TMCC3: variants seen among roughly 807,000 people sequenced by gnomAD.
TMCC3 encodes transmembrane and coiled-coil domain protein 3.
In TMCC3, 28 loss-of-function variants were observed where a neutral mutation model predicts 40.2. The ratio of observed to expected loss-of-function variants is 0.70; its 90% confidence interval spans 0.52 to 0.95. TMCC3 has a LOEUF of 0.95. Among genes scored for constraint, TMCC3 ranks in the 40% least tolerant of loss-of-function variants. TMCC3 has a pLI of 0.00. For missense variants in TMCC3, 554 were observed against 615.2 expected, an observed-to-expected ratio of 0.90 and a Z score of 1.05; for synonymous variants, 255 against 248.5, an observed-to-expected ratio of 1.03 and a Z score of -0.25.
chr12:94,613,661 T>A (rs1594288129), intron 1 of TMCC3, among the ~76,000 whole-genome samples: 2 of 152,106 alleles, frequency 1.3e-5, no homozygotes, highest in Non-Finnish European at 2.9e-5. Flanking sequence ...AGGCTTGTGA[T>A]GTAGGGATGC....
At chr12:94,610,623 T>G (rs1259625848) in intron 1 of TMCC3, among the ~76,000 whole-genome samples, 1 of 152,076 alleles carries the variant, frequency 6.6e-6, no homozygotes, top group Non-Finnish European at 1.5e-5. Flanking sequence ...TAGACATCCA[T>G]CAATAGAGAA....
chr12:94,600,240 G>GATTTTT (rs2068744626), intron 1 of TMCC3, among the ~76,000 whole-genome samples: 1 of 102,070 alleles, frequency 9.8e-6, no homozygotes. Flanking sequence ...CCAAATTCTG[G>GATTTTT]TTTTTTTTTT....
At chr12:94,597,141 AT>A in intron 1 of TMCC3, among the ~76,000 whole-genome samples, 1 of 14,972 alleles carries the variant, frequency 6.7e-5, no homozygotes, top group East Asian at 6.1e-4. Context: ...ATATATATAT[AT>A]ATATATATAT....
intron 1 of TMCC3, among the ~76,000 whole-genome samples, chr12:94,597,439 C>T (rs2068725401): frequency 6.6e-6 from 1 of 152,128 alleles, no homozygotes; most frequent in South Asian, 2.1e-4. Flanking sequence ...AACTCAGGTG[C>T]CTCCTCCTTT....
At chr12:94,641,174 T>C (rs2068988416) in intron 1 of TMCC3, among the ~76,000 whole-genome samples, 1 of 150,274 alleles carries the variant, frequency 6.7e-6, no homozygotes, top group Non-Finnish European at 1.5e-5. Context: ...CACTCCAGCC[T>C]GGGTGACAGA....
rs754488600 is a variant in TMCC3, at chr12:94,571,334, A to G, written c.*101T>C. 4 of 1,249,950 alleles carry G rather than the reference A, an allele frequency of 3.2e-6. No individual in the cohort carries two copies. The highest frequency in any genetic ancestry group is 4.5e-6 in the Non-Finnish European group (4 of 898,438). 77.4% of individuals were successfully genotyped at this position (1,249,950 alleles called of 1,614,324 possible). On this transcript the variant is annotated 3_prime_UTR_variant, in exon 4 of 4. Transcript: ENST00000261226. ...ACCACACAGTCCTAGTTTTTCTTAC[A>G]CACGAGTCCGCACAATCATTCACTG...
At chr12:94,648,014 T>C (rs1050373861) in intron 1 of TMCC3, among the ~76,000 whole-genome samples, 6 of 152,206 alleles carry the variant, frequency 3.9e-5, no homozygotes, top group Non-Finnish European at 7.3e-5. Flanking sequence ...ATCACTGTAG[T>C]AGAATTTGTG....
At chr12:94,592,573 G>A (rs1367323142) in intron 1 of TMCC3, among the ~76,000 whole-genome samples, 1 of 142,518 alleles carries the variant, frequency 7.0e-6, no homozygotes, top group Non-Finnish European at 1.5e-5. Context: ...GGACCCCGGA[G>A]GCAGAGGCTG....
rs371914206 is a variant in TMCC3 at position 94,620,298 on chromosome 12, T to A, written c.78+30055A>T. On this transcript the variant is annotated intron_variant, in intron 1 of 3. Coordinates refer to ENST00000261226, the MANE Select transcript of TMCC3 (RefSeq NM_020698.4). Reference sequence around the variant, plus strand: ...TTTTTTTTTTTTAATAATTATTATTTTTTTTTTGAGACAGAGTCTTGCTCT... The same window carrying A: ...TTTTTTTTTTTTAATAATTATTATTATTTTTTTGAGACAGAGTCTTGCTCT... Among the ~76,000 whole-genome samples, 178 of 151,792 alleles carry A rather than the reference T, an allele frequency of 1.2e-3. 3 individuals carry two copies. The East Asian group carries it at 0.02, about 17-fold the overall frequency.
chr12:94,609,711 C>T (rs1032588093), intron 1 of TMCC3: 2 of 152,120 alleles, frequency 1.3e-5, no homozygotes, highest in Non-Finnish European at 2.9e-5. Flanking sequence ...AAACTAAGAA[C>T]AGAGGGCAGG....
chr12:94,633,575 C>T (rs1373067043), intron 1 of TMCC3, among the ~76,000 whole-genome samples: 2 of 152,188 alleles, frequency 1.3e-5, no homozygotes, highest in Non-Finnish European at 2.9e-5. Flanking sequence ...GAAACAGTTG[C>T]TGTTTCTGAT....
intron 3 of TMCC3, among the ~76,000 whole-genome samples, chr12:94,578,165 A>AAAAAAAAAAAAT (rs1467855760): frequency 8.1e-6 from 1 of 123,424 alleles, no homozygotes; most frequent in Non-Finnish European, 1.6e-5. Flanking sequence ...AAAAAAAAAA[A>AAAAAAAAAAAAT]AAAGAAAAAG....
intron 3 of TMCC3, among the ~76,000 whole-genome samples, chr12:94,576,826 T>G (rs2068568032): frequency 6.6e-6 from 1 of 152,150 alleles, no homozygotes; most frequent in African/African-American, 2.4e-5. Flanking sequence ...GTTGTTTCAC[T>G]ACGTGCTAGG....
chr12:94,582,106 G>A lies in TMCC3; in HGVS notation c.511C>T (p.His171Tyr). The A allele has an allele frequency of 1.2e-6, 2 of 1,614,138 alleles. No individual in the cohort carries two copies. The highest frequency in any genetic ancestry group is 1.1e-5 in the South Asian group (1 of 91,080). Residue 171 changes from histidine (H) to tyrosine (Y), a missense_variant, in exon 2 of 4, where the codon CAC (histidine) becomes TAC (tyrosine). Transcript: ENST00000261226. ...KDIHRSLKDA[H>Y]VKSRTAPHCM... ...TGGGGGGCAGTTCGAGATTTCACGT[G>A]GGCATCTTTCAAAGAGCGATGTATA...
chr12:94,650,413 C>G lies in TMCC3; in HGVS notation c.18G>C (p.Thr6=), dbSNP rs768596221. ...AGTAGGTCCGGTCCACGGTGAGCGCCGTGTCGCTGCCCGGCATCTCCGCGC... is the reference window on the plus strand; with the variant it reads ...AGTAGGTCCGGTCCACGGTGAGCGCGGTGTCGCTGCCCGGCATCTCCGCGC... The part of the protein sequence containing the change: MPGSD[T]ALTVDRTYSY... Residue 6 remains threonine (T), a synonymous_variant, in exon 1 of 4, where the codon ACG becomes ACC. Coordinates refer to ENST00000261226, the MANE Select transcript of TMCC3 (RefSeq NM_020698.4). 1.5e-6 allele frequency: 2 copies of G among 1,309,392 alleles called. No homozygotes were observed. The highest frequency in any genetic ancestry group is 2.0e-5 in the South Asian group (1 of 50,034). 81.1% of individuals were successfully genotyped at this position (1,309,392 alleles called of 1,614,324 possible). A position where few individuals can be genotyped will look rare whatever the true frequency, so the allele number is the denominator to read the frequency against.
intron 1 of TMCC3, among the ~76,000 whole-genome samples, chr12:94,588,697 C>CA (rs1566318436): frequency 2.0e-5 from 3 of 152,190 alleles, no homozygotes; most frequent in African/African-American, 7.2e-5. Context: ...ACATTTTTTA[C>CA]TATTAATCAC....
chr12:94,584,303 G>A (rs77071194), intron 1 of TMCC3, among the ~76,000 whole-genome samples: 3,687 of 152,186 alleles, frequency 0.024, 153 homozygotes, highest in African/African-American at 0.084. Flanking sequence ...GCATCCTCCT[G>A]CTTTCGCCGT....
chr12:94,639,627 T>C (rs959819209), intron 1 of TMCC3, among the ~76,000 whole-genome samples: 2 of 150,340 alleles, frequency 1.3e-5, no homozygotes, highest in African/African-American at 2.5e-5. Flanking sequence ...TCATTTGGTA[T>C]ACAAGGATTT....
At chr12:94,578,146 C>CAAAAAAA (rs1183420863) in intron 3 of TMCC3, among the ~76,000 whole-genome samples, 71 of 34,430 alleles carry the variant, frequency 2.1e-3, no homozygotes, top group African/African-American at 2.5e-3. Context: ...AGACTCACCT[C>CAAAAAAA]AAAAAAAAAA....
Sources: allele counts gnomAD v4.1 joint callset (sites outside exome capture counted in the v4.1 genomes callset), GRCh38; gene constraint gnomAD v4.1.1; transcripts MANE v1.5; gene names NCBI Gene and HGNC (gene_info 2026-07-23, HGNC 2026-07-21).